The following MRPS31 variants were observed in gnomAD, a reference collection of about 807,000 sequenced individuals.
MRPS31 encodes mitochondrial ribosomal protein S31, also known as small ribosomal subunit protein mS31.
MRPS31 carries 32 observed loss-of-function variants against 43.1 expected under a neutral mutation model. The ratio of observed to expected loss-of-function variants is 0.74; its 90% CI spans 0.56 to 1.00. The LOEUF (loss-of-function observed/expected upper bound fraction) is 1.00, where lower values mean the gene tolerates loss of function less well. Ranked by LOEUF, MRPS31 falls within the 50% of genes least tolerant of loss-of-function variation. The probability of loss-of-function intolerance (pLI) is 0.00; values close to 1 mark genes in which losing one functional copy is unlikely to be tolerated. For missense variants in MRPS31, 437 were observed against 466.7 expected (o/e 0.94, Z 0.59); for synonymous variants, 165 against 161.6 (o/e 1.02, Z -0.16).
At chr13:40,762,800 G>A (rs1880738497) in intron 2 of MRPS31, among the ~76,000 whole-genome samples, 1 of 116,686 alleles carries the variant, frequency 8.6e-6, no homozygotes. Flanking sequence ...GTGTGTGTGT[G>A]TGTGTGTGTG....
intron 6 of MRPS31, among the ~76,000 whole-genome samples, chr13:40,734,013 C>A (rs2137992139): frequency 6.7e-6 from 1 of 149,772 alleles, no homozygotes; most frequent in Non-Finnish European, 1.5e-5. Flanking sequence ...TCTGTAATCC[C>A]AGCTATTAGG....
chr13:40,744,539 C>T (rs564352729), intron 6 of MRPS31, among the ~76,000 whole-genome samples: 7 of 152,258 alleles, frequency 4.6e-5, no homozygotes, highest in Admixed American at 3.3e-4. Flanking sequence ...GGTATCTGAA[C>T]AGATATTTTG....
intron 6 of MRPS31, among the ~76,000 whole-genome samples, chr13:40,738,694 A>G (rs1250260838): frequency 6.6e-6 from 1 of 152,166 alleles, no homozygotes; most frequent in Admixed American, 6.6e-5. Flanking sequence ...AAACTACATG[A>G]TTATCTCAAT....
intron 5 of MRPS31, 95 bp downstream of exon 5, chr13:40,753,924 G>C: frequency 1.2e-6 from 1 of 800,850 alleles, no homozygotes; most frequent in South Asian, 1.7e-5. Flanking sequence ...ATGACAGAAT[G>C]GAATATTAAA....
At chr13:40,738,905 C>A (rs1880000617) in intron 6 of MRPS31, among the ~76,000 whole-genome samples, 1 of 152,162 alleles carries the variant, frequency 6.6e-6, no homozygotes, top group South Asian at 2.1e-4. Context: ...TCTCACCACT[C>A]CTATTCAACA....
rs1848798224 is a variant in MRPS31, at chr13:40,759,708, G to C, written c.441-602C>G. Among the ~76,000 whole-genome samples, 4 of 152,078 alleles carry C rather than the reference G, an allele frequency of 2.6e-5. No homozygotes were observed. The South Asian group carries it at 8.3e-4, about 32-fold the overall frequency. On this transcript the variant is annotated intron_variant, in intron 2 of 6. Transcript: ENST00000323563. ...CAATATATTAAGGTGGAGGGGTGAG[G>C]GACAGATCAGCCTCAAAAATTATAA...
chr13:40,764,133 A>G (rs1880776952), intron 2 of MRPS31, among the ~76,000 whole-genome samples: 1 of 152,154 alleles, frequency 6.6e-6, no homozygotes, highest in South Asian at 2.1e-4. Flanking sequence ...GGCAGTTCAC[A>G]GTAACATTAC....
At chr13:40,758,913 T>G in intron 3 of MRPS31, 35 bp downstream of exon 3, 1 of 1,492,890 alleles carries the variant, frequency 6.7e-7, no homozygotes, top group Non-Finnish European at 8.9e-7. Context: ...TTTTGAGATA[T>G]AAACATTACT....
chr13:40,731,709 A>G (rs1879706213), intron 6 of MRPS31, among the ~76,000 whole-genome samples: 1 of 152,236 alleles, frequency 6.6e-6, no homozygotes, highest in African/African-American at 2.4e-5. Flanking sequence ...GGCACAGTGG[A>G]TATAAAAACA....
At chr13:40,766,690 CA>C in intron 2 of MRPS31, 55 bp downstream of exon 2, 3 of 1,486,130 alleles carry the variant, frequency 2.0e-6, no homozygotes, top group Non-Finnish European at 2.7e-6. Flanking sequence ...TATTTTTTAC[CA>C]AAACAAAAAG....
chr13:40,731,438 TG>T (rs1267468589), intron 6 of MRPS31, among the ~76,000 whole-genome samples: 2 of 150,178 alleles, frequency 1.3e-5, no homozygotes, highest in East Asian at 4.0e-4. Context: ...AAAAATTAGC[TG>T]GGCACGGTGG....
chr13:40,747,793 A>C (rs1473520779), intron 6 of MRPS31, among the ~76,000 whole-genome samples: 1 of 152,148 alleles, frequency 6.6e-6, no homozygotes, highest in East Asian at 1.9e-4. Flanking sequence ...CAGTGAGCCA[A>C]GATAGCACCA....
chr13:40,737,130 T>A (rs1593442101), intron 6 of MRPS31, among the ~76,000 whole-genome samples: 1 of 150,212 alleles, frequency 6.7e-6, no homozygotes, highest in East Asian at 2.0e-4. Context: ...GGGGTTGCAA[T>A]CCTAGTCTCT....
chr13:40,733,629 C>A (rs1229340812), intron 6 of MRPS31, among the ~76,000 whole-genome samples: 1 of 152,092 alleles, frequency 6.6e-6, no homozygotes, highest in Non-Finnish European at 1.5e-5. Flanking sequence ...TACAATGAAT[C>A]TAGGATAAGA....
intron 2 of MRPS31, among the ~76,000 whole-genome samples, chr13:40,761,899 A>T (rs1880705403): frequency 6.6e-6 from 1 of 151,104 alleles, no homozygotes. Flanking sequence ...TTCTAAGAAT[A>T]TGTGTTTAAA....
intron 5 of MRPS31, 109 bp downstream of exon 5, chr13:40,753,905 TCCAGG>T: frequency 1.4e-6 from 1 of 694,624 alleles, no homozygotes; most frequent in Non-Finnish European, 2.4e-6. Context: ...ATAAGCAGGA[TCCAGG>T]CCAATGACAG....
At chr13:40,747,787 G>A (rs1418117440) in intron 6 of MRPS31, among the ~76,000 whole-genome samples, 1 of 152,076 alleles carries the variant, frequency 6.6e-6, no homozygotes, top group African/African-American at 2.4e-5. Context: ...AGGTTGCAGT[G>A]AGCCAAGATA....
intron 2 of MRPS31, among the ~76,000 whole-genome samples, chr13:40,762,059 T>C (rs976699913): frequency 6.6e-6 from 1 of 150,552 alleles, no homozygotes; most frequent in Non-Finnish European, 1.5e-5. Context: ...CTGGACAACA[T>C]AGTGAAACAT....
At chr13:40,734,015 G>C (rs1213341635) in intron 6 of MRPS31, among the ~76,000 whole-genome samples, 2 of 149,526 alleles carry the variant, frequency 1.3e-5, no homozygotes, top group Non-Finnish European at 3.0e-5. Flanking sequence ...TGTAATCCCA[G>C]CTATTAGGGA....
Sources: gnomAD v4.1 joint callset for allele counts (sites outside exome capture counted in the v4.1 genomes callset) on GRCh38, gnomAD v4.1.1 for gene constraint, MANE v1.5 for transcripts, NCBI Gene and HGNC (gene_info 2026-07-23, HGNC 2026-07-21) for gene names.